The following DNMBP variants were observed in gnomAD, a reference collection of about 807,000 sequenced individuals.
DNMBP encodes the protein dynamin binding protein.
A neutral mutation model predicts 150.0 loss-of-function variants in DNMBP; 87 were observed. The ratio of observed to expected loss-of-function variants is 0.58; its 90% CI spans 0.49 to 0.69. The LOEUF (loss-of-function observed/expected upper bound fraction) is 0.69, where lower values mean the gene tolerates loss of function less well. Ranked by LOEUF, DNMBP falls within the 30% of genes least tolerant of loss-of-function variation. DNMBP has a pLI of 0.00. For synonymous variants in DNMBP, 711 were observed against 750.4 expected (o/e 0.95, Z 0.86); for missense variants, 1,774 against 1,949.0 (o/e 0.91, Z 1.69).
At chr10:99,994,869 A>T (rs1027924089) in intron 1 of DNMBP, among the ~76,000 whole-genome samples, 4 of 151,982 alleles carry the variant, frequency 2.6e-5, no homozygotes, top group African/African-American at 7.3e-5. Flanking sequence ...TACCAATCTT[A>T]TCTGCCTTTG....
chr10:99,907,362 G>C (rs1446551561), intron 6 of DNMBP, among the ~76,000 whole-genome samples: 2 of 151,376 alleles, frequency 1.3e-5, no homozygotes. Context: ...TCAAAAATTG[G>C]TAGTTAAACT....
chr10:99,898,440 T>G, intron 8 of DNMBP, 155 bp from the exon 9 acceptor site: 1 of 718,232 alleles, frequency 1.4e-6, no homozygotes, highest in South Asian at 1.6e-5. Context: ...TGCTCTCTAT[T>G]CTTTTACCCT....
At chr10:100,002,244 C>T (rs1013528793) in intron 1 of DNMBP, among the ~76,000 whole-genome samples, 1 of 151,846 alleles carries the variant, frequency 6.6e-6, no homozygotes, top group Non-Finnish European at 1.5e-5. Flanking sequence ...ATTATAGATT[C>T]GCTTTTCTAT....
intron 4 of DNMBP, among the ~76,000 whole-genome samples, chr10:99,946,725 A>G (rs2040361287): frequency 6.6e-6 from 1 of 152,218 alleles, no homozygotes; most frequent in Non-Finnish European, 1.5e-5. Context: ...ACAAAAACTG[A>G]CAACTGGAAC....
chr10:99,905,322 T>C (rs536487702), intron 6 of DNMBP, among the ~76,000 whole-genome samples: 7 of 152,352 alleles, frequency 4.6e-5, no homozygotes, highest in African/African-American at 1.4e-4. Context: ...GTATAGAGGC[T>C]AATGGCATTT....
chr10:99,995,031 C>A (rs1277715432), intron 1 of DNMBP, among the ~76,000 whole-genome samples: 1 of 151,636 alleles, frequency 6.6e-6, no homozygotes, highest in South Asian at 2.1e-4. Context: ...GCTGGGCATG[C>A]GCCACTGTGC....
chr10:99,884,440 A>ATTCT (rs2133197939), intron 14 of DNMBP, among the ~76,000 whole-genome samples: 2 of 152,308 alleles, frequency 1.3e-5, no homozygotes, highest in Non-Finnish European at 2.9e-5. Flanking sequence ...ACACACACCT[A>ATTCT]TTCTTACATT....
chr10:99,988,709 T>C (rs925052133), intron 1 of DNMBP, among the ~76,000 whole-genome samples: 1 of 152,176 alleles, frequency 6.6e-6, no homozygotes, highest in Non-Finnish European at 1.5e-5. Flanking sequence ...TCACCCAGGC[T>C]GGAGTGCAGT....
rs931425655 is a variant in DNMBP, at chr10:99,929,886, T to A, written c.2261-20740A>T. 2.6e-5 allele frequency: 18 copies of A among 702,988 alleles called. No homozygotes were observed. The East Asian group carries it at 4.8e-4, about 19-fold the overall frequency. 43.5% of individuals were successfully genotyped at this position (702,988 alleles called of 1,614,324 possible). A position where few individuals can be genotyped will look rare whatever the true frequency, so the allele number is the denominator to read the frequency against. On this transcript the variant is annotated intron_variant, in intron 4 of 16. Coordinates refer to ENST00000324109, the MANE Select transcript of DNMBP (RefSeq NM_015221.4). ...TATGTCAGTGCCATTATACTCCAAA[T>A]TCTCCATTTGATGGAGAGAATCTGT... is the stretch of plus-strand genomic sequence containing the variant.
intron 1 of DNMBP, among the ~76,000 whole-genome samples, chr10:100,000,275 GGT>G (rs1479328516): frequency 6.6e-6 from 1 of 152,142 alleles, no homozygotes; most frequent in Non-Finnish European, 1.5e-5. Context: ...AGGCTGGGGA[GGT>G]AAGCATAACT....
At chr10:99,941,783 A>G (rs1316220897) in intron 4 of DNMBP, among the ~76,000 whole-genome samples, 1 of 152,074 alleles carries the variant, frequency 6.6e-6, no homozygotes, top group Non-Finnish European at 1.5e-5. Flanking sequence ...TCAGTCTCTT[A>G]TACCTCACAT....
In DNMBP at chr10:99,970,971, C is replaced by CAAAAAAAAAAAAAAAAAAAAA. The variant is rs532226561; in HGVS notation, c.145+988_145+1008dup. Among the ~76,000 whole-genome samples the CAAAAAAAAAAAAAAAAAAAAA allele has an allele frequency of 4.6e-3, 154 of 33,192 alleles. 34 individuals are homozygous for CAAAAAAAAAAAAAAAAAAAAA. Among genetic ancestry groups the CAAAAAAAAAAAAAAAAAAAAA allele is most frequent in the South Asian group, 7.9e-3 (4 of 508 alleles). 21.8% of individuals were successfully genotyped at this position (33,192 alleles called of 152,430 possible). A position where few individuals can be genotyped will look rare whatever the true frequency, so the allele number is the denominator to read the frequency against. ...TGGGCAACAGAGCAAGACTCCGTCT[C>CAAAAAAAAAAAAAAAAAAAAA]AAAAAAAAAAAAAAAAAAAAAAAAA... On this transcript the variant is annotated intron_variant, in intron 2 of 16. Transcript: ENST00000324109.
intron 1 of DNMBP, among the ~76,000 whole-genome samples, chr10:99,975,989 C>T (rs1407769482): frequency 2.6e-5 from 4 of 152,120 alleles, no homozygotes; most frequent in African/African-American, 4.8e-5. Flanking sequence ...GGTGGGGACA[C>T]GGGATCAGAG....
intron 11 of DNMBP, chr10:99,889,182 TATC>T: frequency 2.2e-6 from 1 of 464,368 alleles, no homozygotes; most frequent in South Asian, 2.8e-5. Flanking sequence ...TGAGGGCTTT[TATC>T]ATCTCTTTAG....
chr10:99,982,436 C>A (rs181891608), intron 1 of DNMBP, among the ~76,000 whole-genome samples: 1 of 151,342 alleles, frequency 6.6e-6, no homozygotes, highest in African/African-American at 2.4e-5. Flanking sequence ...AGAGCGAGAC[C>A]CTGTCTCAAA....
intron 4 of DNMBP, among the ~76,000 whole-genome samples, chr10:99,935,512 G>A (rs572873550): frequency 3.9e-5 from 6 of 152,172 alleles, no homozygotes; most frequent in African/African-American, 1.4e-4. Flanking sequence ...TCAGCCTCAC[G>A]AGTAGCTGAG....
intron 4 of DNMBP, among the ~76,000 whole-genome samples, chr10:99,935,724 C>T (rs1424053290): frequency 6.6e-6 from 1 of 152,118 alleles, no homozygotes; most frequent in Admixed American, 6.5e-5. Context: ...ACCCTGCCGC[C>T]CGGCTAATTT....
chr10:99,880,041 A>G lies in DNMBP; in HGVS notation c.4318T>C (p.Ser1440Pro). Reference sequence around the variant, plus strand: ...TCCCCTGACCTTGGCTGGGAGGTGGAGTCTGGGTCTGAAGGGCATCTGGAA... The same window carrying G: ...TCCCCTGACCTTGGCTGGGAGGTGGGGTCTGGGTCTGAAGGGCATCTGGAA... ...SPSRCPSDPD[S>P]TSQPRSGDSA... Residue 1440 changes from serine to proline, a missense_variant, in exon 16 of 17, where the codon TCC (serine) becomes CCC (proline). This residue lies in a region of DNMBP where 1,430 missense variants were observed against 1,492.5 expected (regional missense o/e 0.96). Coordinates refer to ENST00000324109, the MANE Select transcript of DNMBP (RefSeq NM_015221.4). The G allele has an allele frequency of 6.2e-7, 1 of 1,614,154 alleles. No individual in the cohort carries two copies. Among genetic ancestry groups the G allele is most frequent in the Non-Finnish European group, 8.5e-7 (1 of 1,180,024 alleles).
chr10:99,897,204 G>C (rs2039668424), intron 9 of DNMBP, among the ~76,000 whole-genome samples: 1 of 152,196 alleles, frequency 6.6e-6, no homozygotes, highest in South Asian at 2.1e-4. Context: ...CTCACTGAAT[G>C]CTCAAGTTAG....
Sources: gnomAD v4.1 joint callset for allele counts (sites outside exome capture counted in the v4.1 genomes callset) on GRCh38, gnomAD v4.1.1 for gene constraint, gnomAD v4.1.1 regional missense constraint, MANE v1.5 for transcripts, NCBI Gene and HGNC (gene_info 2026-07-23, HGNC 2026-07-21) for gene names.